Variants in NPAS3 observed in about 807,000 individuals in gnomAD.
NPAS3 encodes the protein neuronal PAS domain-containing protein 3.
In NPAS3, 14 loss-of-function variants were observed where a neutral mutation model predicts 73.1. The observed-to-expected ratio is 0.19, with a 90% confidence interval of 0.13 to 0.30. NPAS3 has a LOEUF of 0.30. Among genes scored for constraint, NPAS3 ranks in the 10% least tolerant of loss-of-function variants. The pLI is 1.00. For missense variants in NPAS3, 1,096 were observed against 1,250.0 expected, an observed-to-expected ratio of 0.88 and a Z score of 1.86; for synonymous variants, 620 against 541.5, an observed-to-expected ratio of 1.14 and a Z score of -2.01.
chr14:33,780,843 C>T lies in NPAS3; in HGVS notation c.1153+2271C>T, dbSNP rs531813939. On this transcript the variant is annotated intron_variant, in intron 9 of 11. Transcript: ENST00000356141. ...CCTAATTTTTCTGGTATCTTGCCAACTAATAAACAGAGAAGGTATGCTTTC... is the reference window on the plus strand; with the variant it reads ...CCTAATTTTTCTGGTATCTTGCCAATTAATAAACAGAGAAGGTATGCTTTC... 1.9e-4 allele frequency: 51 copies of T among 265,198 alleles called. 1 individual carries two copies. The East Asian group carries it at 4.4e-3, about 23-fold the overall frequency. The allele number at this position is 265,198 out of a possible 1,614,324, so 16.4% of individuals were successfully genotyped here.
chr14:33,444,001 A>G (rs887182369), intron 4 of NPAS3, among the ~76,000 whole-genome samples: 1 of 152,264 alleles, frequency 6.6e-6, no homozygotes, highest in African/African-American at 2.4e-5. Flanking sequence ...GCTTGCCTAC[A>G]TCATGGAACT....
chr14:33,289,771 G>A (rs1041712361), intron 3 of NPAS3, among the ~76,000 whole-genome samples: 4 of 151,082 alleles, frequency 2.6e-5, no homozygotes, highest in African/African-American at 7.3e-5. Flanking sequence ...ACGTTGAGCC[G>A]AGATTGCACC....
intron 6 of NPAS3, among the ~76,000 whole-genome samples, chr14:33,716,909 A>G (rs1381687699): frequency 2.0e-5 from 3 of 152,056 alleles, no homozygotes; most frequent in Non-Finnish European, 4.4e-5. Context: ...TCTTATATCC[A>G]TATATAATCT....
chr14:33,411,080 C>T (rs756804040), intron 4 of NPAS3, among the ~76,000 whole-genome samples: 8 of 152,244 alleles, frequency 5.3e-5, no homozygotes, highest in Admixed American at 2.0e-4. Context: ...CTGTAGCATG[C>T]ATCTTGGCTA....
At chr14:33,653,143 C>G (rs1434764022) in intron 5 of NPAS3, among the ~76,000 whole-genome samples, 3 of 152,194 alleles carry the variant, frequency 2.0e-5, no homozygotes, top group Admixed American at 2.0e-4. Context: ...CCTTGAATCT[C>G]TTTGGGAAGC....
At chr14:33,294,950 A>C (rs1418789307) in intron 3 of NPAS3, among the ~76,000 whole-genome samples, 1 of 152,170 alleles carries the variant, frequency 6.6e-6, no homozygotes, top group African/African-American at 2.4e-5. Context: ...TTCCAATGTG[A>C]TGCTGTGGTG....
chr14:33,227,294 A>G (rs1233809151), intron 3 of NPAS3, among the ~76,000 whole-genome samples: 1 of 152,226 alleles, frequency 6.6e-6, no homozygotes, highest in East Asian at 1.9e-4. Context: ...CTGGTAGGCA[A>G]TCAGACTCAA....
intron 3 of NPAS3, among the ~76,000 whole-genome samples, chr14:33,254,537 T>C (rs2048705092): frequency 1.3e-5 from 2 of 152,116 alleles, no homozygotes; most frequent in Admixed American, 6.6e-5. Flanking sequence ...TTTATCTCCT[T>C]ATCCTCAAAG....
intron 2 of NPAS3, among the ~76,000 whole-genome samples, chr14:33,105,812 A>C (rs2042707314): frequency 6.6e-6 from 1 of 152,168 alleles, no homozygotes; most frequent in Non-Finnish European, 1.5e-5. Flanking sequence ...ATCTTAGTTA[A>C]AAAATGTCTG....
intron 5 of NPAS3, among the ~76,000 whole-genome samples, chr14:33,602,187 C>G (rs760160456): frequency 6.6e-6 from 1 of 152,116 alleles, no homozygotes; most frequent in South Asian, 2.1e-4. Context: ...AGTATTCAGC[C>G]GAGCACTAAT....
intron 7 of NPAS3, among the ~76,000 whole-genome samples, chr14:33,763,824 A>G (rs1052033921): frequency 1.4e-5 from 2 of 147,746 alleles, no homozygotes; most frequent in Non-Finnish European, 3.0e-5. Flanking sequence ...AGAATTTTTT[A>G]TCTAAATTTG....
At chr14:33,765,839 A>C (rs990003865) in intron 7 of NPAS3, among the ~76,000 whole-genome samples, 1 of 152,198 alleles carries the variant, frequency 6.6e-6, no homozygotes, top group Non-Finnish European at 1.5e-5. Context: ...CATACAGGGC[A>C]CTAGGAGTTC....
At chr14:33,467,648 A>G (rs1194331945) in intron 4 of NPAS3, among the ~76,000 whole-genome samples, 3 of 152,126 alleles carry the variant, frequency 2.0e-5, no homozygotes, top group African/African-American at 7.2e-5. Flanking sequence ...TCCCCCGGCT[A>G]TTTTGGCCTC....
chr14:33,212,001 G>C (rs2047057449), intron 2 of NPAS3, among the ~76,000 whole-genome samples: 1 of 152,108 alleles, frequency 6.6e-6, no homozygotes, highest in Non-Finnish European at 1.5e-5. Flanking sequence ...TCTATCTTTA[G>C]TACTCTAGAC....
At chr14:33,053,501 A>G (rs977509482) in intron 1 of NPAS3, among the ~76,000 whole-genome samples, 4 of 152,234 alleles carry the variant, frequency 2.6e-5, no homozygotes, top group Non-Finnish European at 5.9e-5. Flanking sequence ...GCCACAGTTT[A>G]TAATAGTTTC....
chr14:33,202,205 C>T (rs1290136128), intron 2 of NPAS3, among the ~76,000 whole-genome samples: 3 of 152,012 alleles, frequency 2.0e-5, no homozygotes, highest in African/African-American at 7.3e-5. Context: ...AGTTTGAGAC[C>T]AGCCTGACCA....
At chr14:33,429,994 A>T (rs528723697) in intron 4 of NPAS3, among the ~76,000 whole-genome samples, 1 of 152,104 alleles carries the variant, frequency 6.6e-6, no homozygotes, top group African/African-American at 2.4e-5. Context: ...CTCAATAGGG[A>T]TGTGACCCCT....
At chr14:33,711,402 G>GA (rs2060815045) in intron 6 of NPAS3, among the ~76,000 whole-genome samples, 1 of 152,126 alleles carries the variant, frequency 6.6e-6, no homozygotes, top group Non-Finnish European at 1.5e-5. Flanking sequence ...AATGCGACCG[G>GA]ACAATGCTTT....
chr14:33,696,305 C>T (rs1288360073), intron 6 of NPAS3, among the ~76,000 whole-genome samples: 2 of 152,102 alleles, frequency 1.3e-5, no homozygotes, highest in African/African-American at 2.4e-5. Flanking sequence ...AAAAGTAACC[C>T]GTATTCTACT....
Sources: gnomAD v4.1 joint callset for allele counts (sites outside exome capture counted in the v4.1 genomes callset) on GRCh38, gnomAD v4.1.1 for gene constraint, MANE v1.5 for transcripts, NCBI Gene and HGNC (gene_info 2026-07-23, HGNC 2026-07-21) for gene names.